Variants in DISC1 observed in about 807,000 individuals in gnomAD.
DISC1 encodes DISC1 scaffold protein, also known as disrupted in schizophrenia 1 protein.
In DISC1, 57 loss-of-function variants were observed where a neutral mutation model predicts 84.5. The ratio of observed to expected loss-of-function variants is 0.67; its 90% CI spans 0.55 to 0.84. The LOEUF (loss-of-function observed/expected upper bound fraction) is 0.84. Ranked by LOEUF, DISC1 falls within the 40% of genes least tolerant of loss-of-function variation. The pLI, the probability that DISC1 is intolerant of heterozygous loss-of-function variation, is 0.00. For missense variants in DISC1, 1,000 were observed against 1,057.8 expected, an observed-to-expected ratio of 0.95 and a Z score of 0.76; for synonymous variants, 411 against 415.2, an observed-to-expected ratio of 0.99 and a Z score of 0.12.
intron 12 of DISC1, among the ~76,000 whole-genome samples, chr1:232,035,038 GTC>G (rs1670391425): frequency 6.6e-6 from 1 of 152,208 alleles, no homozygotes; most frequent in Admixed American, 6.5e-5. Flanking sequence ...AAATGATAGA[GTC>G]TGGGGAAGCT....
chr1:231,693,599 C>T (rs1173078201), intron 1 of DISC1, among the ~76,000 whole-genome samples: 3 of 152,126 alleles, frequency 2.0e-5, no homozygotes, highest in Non-Finnish European at 2.9e-5. Context: ...TCTGCTAAAC[C>T]GAGGAGCTGA....
chr1:231,689,732 T>C (rs537557453), intron 1 of DISC1, among the ~76,000 whole-genome samples: 1 of 152,234 alleles, frequency 6.6e-6, no homozygotes, highest in Non-Finnish European at 1.5e-5. Flanking sequence ...TTCTCTGATA[T>C]ACTGTAAACT....
intron 9 of DISC1, among the ~76,000 whole-genome samples, chr1:231,868,890 A>G (rs1232681247): frequency 2.9e-5 from 1 of 34,090 alleles, no homozygotes. Flanking sequence ...GTCTCTAAAA[A>G]GGAAAAAAAA....
At chr1:231,722,898 T>G in intron 3 of DISC1, 1 of 1,317,944 alleles carries the variant, frequency 7.6e-7, no homozygotes, top group Non-Finnish European at 9.7e-7. Flanking sequence ...TGTTCTGTGT[T>G]GGGACAATTA....
chr1:231,803,017 T>G (rs1558572611), intron 8 of DISC1, among the ~76,000 whole-genome samples: 1 of 152,166 alleles, frequency 6.6e-6, no homozygotes, highest in African/African-American at 2.4e-5. Flanking sequence ...TGCTGCCTAA[T>G]AAAAAATAAG....
At chr1:231,827,980 T>C (rs2081977289) in intron 9 of DISC1, among the ~76,000 whole-genome samples, 1 of 152,220 alleles carries the variant, frequency 6.6e-6, no homozygotes, top group Non-Finnish European at 1.5e-5. Context: ...ATTTTTCTTT[T>C]GACATTATGC....
At chr1:231,785,311 G>A (rs188446217) in intron 6 of DISC1, among the ~76,000 whole-genome samples, 1 of 149,480 alleles carries the variant, frequency 6.7e-6, no homozygotes, top group Non-Finnish European at 1.5e-5. Context: ...ACAAAGTCTT[G>A]CTTTGTCACC....
chr1:231,896,327 A>G (rs1029767355), intron 9 of DISC1, among the ~76,000 whole-genome samples: 1 of 152,196 alleles, frequency 6.6e-6, no homozygotes. Flanking sequence ...AATAATCAGC[A>G]TAAAACAGCT....
At chr1:231,790,987 C>T (rs1163713394) in intron 6 of DISC1, among the ~76,000 whole-genome samples, 1 of 152,200 alleles carries the variant, frequency 6.6e-6, no homozygotes, top group African/African-American at 2.4e-5. Context: ...CACAACTCAA[C>T]CGGTGACAGG....
intron 3 of DISC1, among the ~76,000 whole-genome samples, chr1:231,746,864 T>C (rs1362218873): frequency 1.3e-5 from 2 of 152,210 alleles, no homozygotes; most frequent in Non-Finnish European, 2.9e-5. Flanking sequence ...AATCCCCTGT[T>C]GGATGGGTAG....
At chr1:231,782,648 A>G (rs528634821) in intron 6 of DISC1, among the ~76,000 whole-genome samples, 1 of 152,212 alleles carries the variant, frequency 6.6e-6, no homozygotes, top group Non-Finnish European at 1.5e-5. Flanking sequence ...TTAAATATAA[A>G]TGCAAATGGC....
At position 231,665,355 on chromosome 1, in the gene DISC1, G is replaced by A. The variant is rs536924958; in HGVS notation, c.68-28471G>A. On this transcript the variant is annotated intron_variant, in intron 1 of 12. Transcript: ENST00000439617. ...TACTATAAACTTTGAGTAACACAGC[G>A]GGACTCATACGAAGTGCCACTACTG... is the stretch of plus-strand genomic sequence containing the variant. 2.6e-4 allele frequency among the ~76,000 whole-genome samples: 40 copies of A among 152,106 alleles called. No homozygotes were observed. The East Asian group carries it at 4.6e-3, about 18-fold the overall frequency.
At chr1:231,747,693 T>C (rs918750788) in intron 3 of DISC1, among the ~76,000 whole-genome samples, 1 of 152,232 alleles carries the variant, frequency 6.6e-6, no homozygotes, top group African/African-American at 2.4e-5. Flanking sequence ...GGTCTGGTAG[T>C]GTGATACCTC....
chr1:232,023,790 G>C (rs16856230), intron 11 of DISC1, among the ~76,000 whole-genome samples: 6,646 of 152,040 alleles, frequency 0.044, 213 homozygotes, highest in East Asian at 0.16. Flanking sequence ...CTCTCTTTAA[G>C]TGTGTTTTCA....
chr1:231,967,084 T>C (rs1341265065), intron 10 of DISC1, among the ~76,000 whole-genome samples: 1 of 152,238 alleles, frequency 6.6e-6, no homozygotes, highest in Non-Finnish European at 1.5e-5. Flanking sequence ...AAACTAATGT[T>C]TACTTTTTAA....
chr1:231,867,283 G>A lies in DISC1; in HGVS notation c.1981+48766G>A, dbSNP rs763177125. The stretch of plus-strand genomic sequence containing the variant: ...TATCACACTGCCATTCCATGTGATC[G>A]GAAATGAGAAAGATTTAAAGAAAGT... On this transcript the variant is annotated intron_variant, in intron 9 of 12. Transcript: ENST00000439617. Among the ~76,000 whole-genome samples the A allele has an allele frequency of 3.6e-4, 55 of 152,138 alleles. 1 individual carries two copies. Among genetic ancestry groups the A allele is most frequent in the Non-Finnish European group, 1.5e-4 (10 of 68,028 alleles).
intron 10 of DISC1, among the ~76,000 whole-genome samples, chr1:231,974,838 C>T (rs910472507): frequency 7.2e-5 from 11 of 152,136 alleles, no homozygotes; most frequent in Middle Eastern, 3.2e-3. Context: ...TGGTGGCTCA[C>T]GCCTGTAATC....
chr1:231,840,873 C>A (rs2083000539), intron 9 of DISC1, among the ~76,000 whole-genome samples: 1 of 152,080 alleles, frequency 6.6e-6, no homozygotes, highest in African/African-American at 2.4e-5. Context: ...AGTTACAGCC[C>A]ATAGAACTGT....
At chr1:231,743,161 G>C (rs554910099) in intron 3 of DISC1, among the ~76,000 whole-genome samples, 2 of 152,260 alleles carry the variant, frequency 1.3e-5, no homozygotes, top group South Asian at 4.1e-4. Flanking sequence ...AGGCTAGACT[G>C]GGTTTTTAAT....
Sources: gnomAD v4.1 joint callset for allele counts (sites outside exome capture counted in the v4.1 genomes callset) on GRCh38, gnomAD v4.1.1 for gene constraint, MANE v1.5 for transcripts, NCBI Gene and HGNC (gene_info 2026-07-23, HGNC 2026-07-21) for gene names.